ZFPM1: variants seen among roughly 807,000 people sequenced by gnomAD.
ZFPM1 encodes zinc finger protein ZFPM1.
Under a neutral mutation model 46.3 loss-of-function variants are expected in ZFPM1, and 28 were observed. The observed-to-expected ratio is 0.60, with a 90% CI of 0.45 to 0.83. ZFPM1 has a LOEUF of 0.83. Ranked by LOEUF, ZFPM1 falls within the 40% of genes least tolerant of loss-of-function variation. The pLI, the probability that ZFPM1 is intolerant of heterozygous loss-of-function variation, is 0.00. For synonymous variants in ZFPM1, 957 were observed against 675.9 expected (o/e 1.42, Z -6.45); for missense variants, 1,878 against 1,432.4 (o/e 1.31, Z -5.02).
In ZFPM1 at chr16:88,532,590, G is replaced by A. The variant is rs1337477277; in HGVS notation, c.947-24G>A. 12 of 1,549,616 alleles carry A rather than the reference G, an allele frequency of 7.7e-6. No homozygotes were observed. In the South Asian group the frequency reaches 1.1e-4, roughly 14 times the overall value. ...CCAAGGTTAAGCTGGCCCGGGCACCGCTCTTACGCGCCCTGTGTTCCAGGA... is the reference window on the plus strand; with the variant it reads ...CCAAGGTTAAGCTGGCCCGGGCACCACTCTTACGCGCCCTGTGTTCCAGGA... On this transcript the variant is annotated intron_variant, in intron 7 of 9. Transcript: ENST00000319555.
chr16:88,460,378 C>T (rs1907763335), intron 1 of ZFPM1, among the ~76,000 whole-genome samples: 1 of 152,180 alleles, frequency 6.6e-6, no homozygotes, highest in Admixed American at 6.5e-5. Flanking sequence ...TGGGGAGCTG[C>T]CTGCCATCTT....
chr16:88,530,020 G>A (rs1046302445), intron 6 of ZFPM1, among the ~76,000 whole-genome samples: 7 of 152,184 alleles, frequency 4.6e-5, no homozygotes, highest in Non-Finnish European at 7.4e-5. Context: ...AACACGGGCC[G>A]CAGGTGACTG....
At position 88,460,934 on chromosome 16, in the gene ZFPM1, C is replaced by T. The variant is rs1304205312; in HGVS notation, c.40+7256C>T. ...GAGGACCGAGGGGCGGGGCGGGAGG[C>T]CTGGTGATGACCGAGGGGCGGGGCG... On this transcript the variant is annotated intron_variant, in intron 1 of 9. Transcript: ENST00000319555. Among the ~76,000 whole-genome samples the T allele has an allele frequency of 5.1e-4, 34 of 66,148 alleles. 2 individuals are homozygous for T. Among genetic ancestry groups the T allele is most frequent in the African/African-American group, 2.1e-3 (30 of 14,042 alleles). The allele number at this position is 66,148 out of a possible 152,430, so 43.4% of individuals were successfully genotyped here. A position where few individuals can be genotyped will look rare whatever the true frequency, so the allele number is the denominator to read the frequency against.
chr16:88,487,966 C>T (rs951195888), intron 2 of ZFPM1, among the ~76,000 whole-genome samples: 3 of 152,258 alleles, frequency 2.0e-5, no homozygotes, highest in African/African-American at 4.8e-5. Flanking sequence ...CGTCGGCACA[C>T]GCTGCTCGTG....
At chr16:88,464,628 G>A (rs2142346354) in intron 1 of ZFPM1, among the ~76,000 whole-genome samples, 1 of 152,376 alleles carries the variant, frequency 6.6e-6, no homozygotes, top group East Asian at 1.9e-4. Flanking sequence ...GCAATGGTCG[G>A]TGGGCACCCA....
At position 88,493,297 on chromosome 16, in the gene ZFPM1, G is replaced by T. The variant is rs549833941; in HGVS notation, c.268+4144G>T. On this transcript the variant is annotated intron_variant, in intron 3 of 9. Coordinates refer to ENST00000319555, the MANE Select transcript of ZFPM1 (RefSeq NM_153813.3). Reference sequence around the variant, plus strand: ...CCGGAGTGAGGAGAGCTGTTCCGGGGTGGAGAAAGCTGTCCTGGGGTGTGG... The same window carrying T: ...CCGGAGTGAGGAGAGCTGTTCCGGGTTGGAGAAAGCTGTCCTGGGGTGTGG... Among the ~76,000 whole-genome samples, 14 of 145,610 alleles carry T rather than the reference G, an allele frequency of 9.6e-5. No individual in the cohort carries two copies. The East Asian group carries it at 2.9e-3, about 31-fold the overall frequency.
intron 6 of ZFPM1, among the ~76,000 whole-genome samples, 154 bp from the exon 7 acceptor site, chr16:88,531,848 G>C (rs897851595): frequency 5.3e-5 from 8 of 152,190 alleles, no homozygotes; most frequent in Non-Finnish European, 1.2e-4. Flanking sequence ...GACCATCCAG[G>C]AGGCTTACAG....
At chr16:88,485,390 C>T (rs1259711991) in intron 1 of ZFPM1, among the ~76,000 whole-genome samples, 1 of 150,822 alleles carries the variant, frequency 6.6e-6, no homozygotes, top group East Asian at 2.0e-4. Context: ...GGCGACCCTG[C>T]AGCTTTGGAA....
chr16:88,512,476 G>A (rs191474481), intron 3 of ZFPM1, among the ~76,000 whole-genome samples: 187 of 152,244 alleles, frequency 1.2e-3, no homozygotes, highest in African/African-American at 3.6e-3. Flanking sequence ...AAAGGAAGTC[G>A]CAGCCACTCC....
At chr16:88,470,247 C>T (rs76303917) in intron 1 of ZFPM1, among the ~76,000 whole-genome samples, 1,643 of 152,290 alleles carry the variant, frequency 0.011, 30 homozygotes, top group African/African-American at 0.038. Context: ...TCAGGGCCAC[C>T]CCACCTGTCC....
At chr16:88,504,777 G>T (rs1910558896) in intron 3 of ZFPM1, among the ~76,000 whole-genome samples, 1 of 152,216 alleles carries the variant, frequency 6.6e-6, no homozygotes, top group Non-Finnish European at 1.5e-5. Flanking sequence ...GCAAGACCTG[G>T]CTCCGAGCTG....
At chr16:88,525,968 G>A (rs552106487) in intron 4 of ZFPM1, among the ~76,000 whole-genome samples, 1 of 152,274 alleles carries the variant, frequency 6.6e-6, no homozygotes, top group Non-Finnish European at 1.5e-5. Context: ...GCACTGGCAT[G>A]AGCTCTGTCC....
chr16:88,455,479 G>C (rs908949190), intron 1 of ZFPM1, among the ~76,000 whole-genome samples: 1 of 152,104 alleles, frequency 6.6e-6, no homozygotes, highest in African/African-American at 2.4e-5. Flanking sequence ...ATCTCAGCAC[G>C]TTAAGATGCG....
Position 88,503,828 on chromosome 16 carries a change from C to T in ZFPM1, c.269-10559C>T, listed in dbSNP as rs141567377. 1.6e-3 allele frequency among the ~76,000 whole-genome samples: 251 copies of T among 152,296 alleles called. 1 individual carries two copies. The highest frequency in any genetic ancestry group is 5.8e-3 in the African/African-American group (240 of 41,566). ...CTCGGGCTGCCAGGCAGATCTTGGG[C>T]TCCCGAGGCCTCAGTCTCCCCCTGG... On this transcript the variant is annotated intron_variant, in intron 3 of 9. Coordinates refer to ENST00000319555, the MANE Select transcript of ZFPM1 (RefSeq NM_153813.3).
intron 3 of ZFPM1, among the ~76,000 whole-genome samples, chr16:88,499,378 C>G (rs1910122080): frequency 9.8e-6 from 1 of 102,296 alleles, no homozygotes; most frequent in African/African-American, 2.9e-5. Flanking sequence ...TCCTCCAGAG[C>G]AGCCGCGGAG....
intron 3 of ZFPM1, among the ~76,000 whole-genome samples, chr16:88,500,291 CG>C (rs1213900039): frequency 2.0e-5 from 3 of 152,312 alleles, no homozygotes; most frequent in African/African-American, 7.2e-5. Flanking sequence ...GCCGCATGGC[CG>C]GGGACACAGC....
At chr16:88,461,413 A>AGGT (rs1214594422) in intron 1 of ZFPM1, among the ~76,000 whole-genome samples, 3 of 152,058 alleles carry the variant, frequency 2.0e-5, no homozygotes, top group Admixed American at 6.5e-5. Flanking sequence ...CTGGAGAGGG[A>AGGT]GGTGACCAGT....
chr16:88,489,158 C>T lies in ZFPM1; in HGVS notation c.268+5C>T. The T allele has an allele frequency of 6.3e-7, 1 of 1,593,092 alleles. No homozygotes were observed. Among genetic ancestry groups the T allele is most frequent in the Non-Finnish European group, 8.5e-7 (1 of 1,170,426 alleles). On this transcript the variant is annotated splice_donor_5th_base_variant and intron_variant, in intron 3 of 9. Coordinates refer to ENST00000319555, the MANE Select transcript of ZFPM1 (RefSeq NM_153813.3). The stretch of plus-strand genomic sequence containing the variant: ...GCAGTCCCTGGAGCGGGCCAGGTAA[C>T]CACGCGGGTGGTGGGGGCAGCAGCA...
chr16:88,488,328 C>T (rs1487844403), intron 2 of ZFPM1, among the ~76,000 whole-genome samples: 7 of 152,314 alleles, frequency 4.6e-5, no homozygotes. Context: ...CTGGAAAAAA[C>T]AGCCAGGGCT....
Sources: gnomAD v4.1 joint callset for allele counts (sites outside exome capture counted in the v4.1 genomes callset) on GRCh38, gnomAD v4.1.1 for gene constraint, MANE v1.5 for transcripts, NCBI Gene and HGNC (gene_info 2026-07-23, HGNC 2026-07-21) for gene names.